The following PP2D1 variants were observed in gnomAD, a reference collection of about 807,000 sequenced individuals.
PP2D1 encodes the protein protein phosphatase 2C-like domain-containing protein 1.
Under a neutral mutation model 30.2 loss-of-function variants are expected in PP2D1, and 25 were observed. The observed-to-expected ratio is 0.83, with a 90% CI of 0.60 to 1.16. PP2D1 has a LOEUF of 1.16. Among genes scored for constraint, PP2D1 ranks in the 50% most tolerant of loss-of-function variants. The pLI, the probability that PP2D1 is intolerant of heterozygous loss-of-function variation, is 0.00. For synonymous variants in PP2D1, 260 were observed against 258.9 expected (o/e 1.00, Z -0.04); for missense variants, 760 against 742.4 (o/e 1.02, Z -0.28).
At chr3:19,996,737 A>G (rs1294735377) in intron 2 of PP2D1, 2 of 152,062 alleles carry the variant, frequency 1.3e-5, no homozygotes, top group African/African-American at 4.8e-5. Context: ...TAAAAAAAGC[A>G]CCATGATCAA....
intron 1 of PP2D1, among the ~76,000 whole-genome samples, chr3:20,005,600 A>G (rs1697309308): frequency 6.6e-6 from 1 of 152,324 alleles, no homozygotes; most frequent in South Asian, 2.1e-4. Flanking sequence ...GCCTCTAAGT[A>G]CTTAAAACAT....
downstream of PP2D1, chr3:19,983,875 A>G: frequency 7.9e-7 from 1 of 1,264,614 alleles, no homozygotes; most frequent in Non-Finnish European, 1.1e-6. Context: ...AATGTTAATA[A>G]CAATGGAATT....
chr3:19,992,348 A>G (rs1451165670), intron 2 of PP2D1, among the ~76,000 whole-genome samples: 1 of 152,194 alleles, frequency 6.6e-6, no homozygotes, highest in East Asian at 1.9e-4. Context: ...CCTCAGCACC[A>G]CCATCAAAAA....
At chr3:19,985,328 T>C (rs1697011782), downstream of PP2D1, 4 of 1,233,242 alleles carry the variant, frequency 3.2e-6, 1 homozygote, top group African/African-American at 1.5e-5. Context: ...AGCTGGATCA[T>C]TGAAGAATCA....
At chr3:20,005,058 C>T (rs1401924809) in intron 1 of PP2D1, among the ~76,000 whole-genome samples, 1 of 152,092 alleles carries the variant, frequency 6.6e-6, no homozygotes, top group Non-Finnish European at 1.5e-5. Flanking sequence ...CTGCAGTGAG[C>T]CATGATTGCA....
intron 1 of PP2D1, among the ~76,000 whole-genome samples, chr3:20,003,659 G>C (rs1697283550): frequency 1.3e-5 from 2 of 152,024 alleles, no homozygotes; most frequent in South Asian, 4.1e-4. Flanking sequence ...CGGGAGAATT[G>C]CTTGAACCCA....
chr3:19,990,426 A>G (rs1697101987), intron 2 of PP2D1, among the ~76,000 whole-genome samples: 1 of 152,226 alleles, frequency 6.6e-6, no homozygotes. Context: ...CTGGGATTAC[A>G]AGTGCCAGTC....
chr3:20,008,871 C>T (rs924794019), intron 1 of PP2D1, among the ~76,000 whole-genome samples: 5 of 151,916 alleles, frequency 3.3e-5, no homozygotes, highest in Admixed American at 2.6e-4. Flanking sequence ...ATGAGGTAAA[C>T]GGTGAAAGAG....
At position 20,012,216 on chromosome 3, in the gene PP2D1, C is replaced by T. The variant is rs181594108; in HGVS notation, c.-144G>A. 2.7e-5 allele frequency: 18 copies of T among 659,486 alleles called. No individual in the cohort carries two copies. Among genetic ancestry groups the T allele is most frequent in the Admixed American group, 1.6e-4 (6 of 38,254 alleles). 40.9% of individuals were successfully genotyped at this position (659,486 alleles called of 1,614,324 possible). A position where few individuals can be genotyped will look rare whatever the true frequency, so the allele number is the denominator to read the frequency against. On this transcript the variant is annotated 5_prime_UTR_variant, in exon 1 of 3. Coordinates refer to ENST00000389050, the MANE Select transcript of PP2D1 (RefSeq NM_001252657.2). The stretch of plus-strand genomic sequence containing the variant: ...GAAGTAGTGGTGATGGTGATGATAG[C>T]GATGGTGGGCATTCCCCTCACTTGA...
At chr3:20,008,968 T>C (rs1697355269) in intron 1 of PP2D1, among the ~76,000 whole-genome samples, 1 of 152,110 alleles carries the variant, frequency 6.6e-6, no homozygotes, top group Non-Finnish European at 1.5e-5. Flanking sequence ...CAAATAAAAA[T>C]ACATTACATA....
intron 2 of PP2D1, among the ~76,000 whole-genome samples, chr3:19,986,575 C>T (rs1307263836): frequency 6.6e-6 from 1 of 152,238 alleles, no homozygotes; most frequent in South Asian, 2.1e-4. Flanking sequence ...AAGATAAATG[C>T]TTTTTCAATT....
intron 2 of PP2D1, among the ~76,000 whole-genome samples, chr3:19,986,979 G>A (rs1366491929): frequency 6.6e-6 from 1 of 151,562 alleles, no homozygotes; most frequent in Non-Finnish European, 1.5e-5. Context: ...GGAGGTTGTG[G>A]TGAGCTGAGA....
downstream of PP2D1, among the ~76,000 whole-genome samples, chr3:19,981,595 CAG>C (rs1168305479): frequency 6.7e-6 from 1 of 149,492 alleles, no homozygotes; most frequent in African/African-American, 2.5e-5. Flanking sequence ...GCCTGGGTGA[CAG>C]AGCGAGACTC....
chr3:20,010,758 T>C (rs1189592962), intron 1 of PP2D1, among the ~76,000 whole-genome samples: 1 of 151,922 alleles, frequency 6.6e-6, no homozygotes. Context: ...GCCAAGATCA[T>C]GCCATTGCAC....
chr3:20,000,980 A>C (rs1575087176), intron 2 of PP2D1, 50 bp downstream of exon 2: 1 of 1,130,820 alleles, frequency 8.8e-7, no homozygotes, highest in East Asian at 3.0e-5. Flanking sequence ...GTTTTGCTGC[A>C]AGGAACCAAA....
chr3:19,986,000 T>G lies in PP2D1; in HGVS notation c.1273A>C (p.Asn425His). Residue 425 changes from asparagine to histidine, a missense_variant, in exon 3 of 3, where the codon AAT (asparagine) becomes CAT (histidine). Asn to His is a moderately conservative substitution (Grantham distance 68). This residue lies in a region of PP2D1 where 369 missense variants were observed against 316.2 expected (regional missense o/e 1.17). Coordinates refer to ENST00000389050, the MANE Select transcript of PP2D1 (RefSeq NM_001252657.2). ...KTTRGLGFHG[N>H]LKLKKSIIPA... ...ATAATGGATTTTTTCAGCTTGAGAT[T>G]TCCATGAAATCCAAGTCCTCGTGTA... 2.0e-6 allele frequency: 3 copies of G among 1,536,128 alleles called. No individual in the cohort carries two copies. The highest frequency in any genetic ancestry group is 2.6e-6 in the Non-Finnish European group (3 of 1,146,880).
chr3:19,990,180 T>C (rs1032331027), intron 2 of PP2D1, among the ~76,000 whole-genome samples: 1 of 152,222 alleles, frequency 6.6e-6, no homozygotes, highest in Admixed American at 6.5e-5. Flanking sequence ...GGTTTCACTC[T>C]GTCACCCAGG....
At chr3:20,002,848 G>C (rs1354212856) in intron 1 of PP2D1, among the ~76,000 whole-genome samples, 1 of 152,130 alleles carries the variant, frequency 6.6e-6, no homozygotes. Context: ...GGGGTCAGGA[G>C]TTCAAGACCA....
chr3:19,993,654 A>G (rs1449637457), intron 2 of PP2D1, among the ~76,000 whole-genome samples: 3 of 151,756 alleles, frequency 2.0e-5, no homozygotes, highest in African/African-American at 4.8e-5. Context: ...AATCGCTTGG[A>G]CCCTGAATCC....
Sources: allele counts gnomAD v4.1 joint callset (sites outside exome capture counted in the v4.1 genomes callset), GRCh38; gene constraint gnomAD v4.1.1; regional missense constraint gnomAD v4.1.1; transcripts MANE v1.5; gene names NCBI Gene and HGNC (gene_info 2026-07-23, HGNC 2026-07-21).